Variants in NARS2 observed in about 807,000 individuals in gnomAD.
NARS2 encodes asparaginyl-tRNA synthetase.
Under a neutral mutation model 62.9 loss-of-function variants are expected in NARS2, and 60 were observed. That is an observed-to-expected ratio of 0.95 (90% confidence interval 0.77 to 1.18). The LOEUF is 1.18. Among genes scored for constraint, NARS2 ranks in the 50% most tolerant of loss-of-function variants. The pLI, the probability that NARS2 is intolerant of heterozygous loss-of-function variation, is 0.00. For missense variants in NARS2, 619 were observed against 576.4 expected, an observed-to-expected ratio of 1.07 and a Z score of -0.76; for synonymous variants, 196 against 200.0, an observed-to-expected ratio of 0.98 and a Z score of 0.17.
intron 5 of NARS2, among the ~76,000 whole-genome samples, chr11:78,543,659 C>A (rs983768855): frequency 2.0e-5 from 3 of 152,130 alleles, no homozygotes; most frequent in Admixed American, 6.5e-5. Flanking sequence ...GGAAAATACA[C>A]AGCAGGAATA....
At chr11:78,563,754 C>T (rs1357959123) in intron 4 of NARS2, among the ~76,000 whole-genome samples, 5 of 139,406 alleles carry the variant, frequency 3.6e-5, no homozygotes, top group African/African-American at 1.4e-4. Flanking sequence ...TCCCTTGAAC[C>T]CAGGAGGCGG....
Position 78,510,513 on chromosome 11 carries a change from T to C in NARS2, c.690-17318A>G, listed in dbSNP as rs118117714. Among the ~76,000 whole-genome samples the C allele has an allele frequency of 7.8e-3, 1,191 of 152,238 alleles. 5 individuals carry two copies. Among genetic ancestry groups the C allele is most frequent in the Non-Finnish European group, 0.012 (790 of 68,010 alleles). ...TTGAAGGGAAAAAACAGTTTTACAA[T>C]ACTATTGGAAACCTCTCAATAATGT... is the stretch of plus-strand genomic sequence containing the variant. On this transcript the variant is annotated intron_variant, in intron 6 of 13. Transcript: ENST00000281038.
chr11:78,564,876 A>G (rs1421934791), intron 4 of NARS2, among the ~76,000 whole-genome samples: 1 of 152,220 alleles, frequency 6.6e-6, no homozygotes, highest in African/African-American at 2.4e-5. Flanking sequence ...TAGCTCTTTG[A>G]CCAAAAGTGA....
At chr11:78,535,022 A>C (rs1240247142) in intron 5 of NARS2, among the ~76,000 whole-genome samples, 1 of 152,234 alleles carries the variant, frequency 6.6e-6, no homozygotes, top group Non-Finnish European at 1.5e-5. Context: ...GTGGGATATA[A>C]CTGAAAGCCT....
intron 11 of NARS2, among the ~76,000 whole-genome samples, chr11:78,450,373 C>T (rs1421696982): frequency 1.3e-5 from 2 of 152,196 alleles, no homozygotes; most frequent in Admixed American, 1.3e-4. Context: ...TACAGTCCCA[C>T]ACCACTACTA....
chr11:78,499,116 C>T (rs191814452), intron 6 of NARS2, among the ~76,000 whole-genome samples: 2,165 of 151,818 alleles, frequency 0.014, 49 homozygotes, highest in African/African-American at 0.049. Context: ...CGGGGTTTCA[C>T]GGTGTTAGCC....
At chr11:78,494,518 G>A (rs1667339505) in intron 6 of NARS2, among the ~76,000 whole-genome samples, 2 of 134,800 alleles carry the variant, frequency 1.5e-5, no homozygotes, top group South Asian at 2.4e-4. Context: ...GAAACATAAA[G>A]TAACTATGGT....
intron 11 of NARS2, among the ~76,000 whole-genome samples, chr11:78,455,523 G>C (rs1379881116): frequency 6.6e-6 from 1 of 151,978 alleles, no homozygotes; most frequent in African/African-American, 2.4e-5. Flanking sequence ...GTCCTCCTAA[G>C]GTCTTCTTTT....
intron 6 of NARS2, among the ~76,000 whole-genome samples, chr11:78,519,827 A>T (rs1336615125): frequency 6.6e-6 from 1 of 151,844 alleles, no homozygotes. Flanking sequence ...CAGCTTCCCG[A>T]GTAGCTGGGA....
chr11:78,514,971 T>TA (rs1198307753), intron 6 of NARS2, among the ~76,000 whole-genome samples: 1 of 151,868 alleles, frequency 6.6e-6, no homozygotes, highest in Non-Finnish European at 1.5e-5. Flanking sequence ...AAAATAATAA[T>TA]AAAAAAACTA....
chr11:78,472,293 CTG>C (rs1858909999), intron 9 of NARS2, among the ~76,000 whole-genome samples: 1 of 152,142 alleles, frequency 6.6e-6, no homozygotes. Flanking sequence ...GGAAAAAACA[CTG>C]TGGTAGAGAA....
intron 2 of NARS2, among the ~76,000 whole-genome samples, chr11:78,569,741 T>C (rs1365705167): frequency 6.6e-6 from 1 of 152,172 alleles, no homozygotes; most frequent in Non-Finnish European, 1.5e-5. Context: ...ATGTACTACC[T>C]GACATATATG....
At chr11:78,464,443 T>C (rs1332642541) in intron 11 of NARS2, among the ~76,000 whole-genome samples, 1 of 151,976 alleles carries the variant, frequency 6.6e-6, no homozygotes, top group Non-Finnish European at 1.5e-5. Flanking sequence ...TAGAGCAGAG[T>C]GGTCTGTTTT....
At chr11:78,498,515 C>T (rs1860149977) in intron 6 of NARS2, among the ~76,000 whole-genome samples, 1 of 152,056 alleles carries the variant, frequency 6.6e-6, no homozygotes, top group Non-Finnish European at 1.5e-5. Context: ...AAATTTATAC[C>T]TTCTAACCAG....
intron 13 of NARS2, among the ~76,000 whole-genome samples, chr11:78,440,527 C>G (rs1445167140): frequency 6.6e-6 from 1 of 151,184 alleles, no homozygotes; most frequent in Non-Finnish European, 1.5e-5. Context: ...GATTACATGA[C>G]ATAATATAAT....
chr11:78,436,450 G>T lies in NARS2; in HGVS notation c.*220C>A. ...AGGTAATGGATTTGAGAGTCCCCTT[G>T]CTATAAGTACCTCTTCTTGCGGGAG... On this transcript the variant is annotated 3_prime_UTR_variant, in exon 14 of 14. Transcript: ENST00000281038. The T allele has an allele frequency of 2.0e-6, 1 of 493,926 alleles. No homozygotes were observed. The highest frequency in any genetic ancestry group is 3.6e-6 in the Non-Finnish European group (1 of 277,526). The allele number at this position is 493,926 out of a possible 1,614,324, so 30.6% of individuals were successfully genotyped here. A position where few individuals can be genotyped will look rare whatever the true frequency, so the allele number is the denominator to read the frequency against.
chr11:78,446,329 C>T (rs1857758336), intron 11 of NARS2, among the ~76,000 whole-genome samples: 1 of 152,218 alleles, frequency 6.6e-6, no homozygotes, highest in Non-Finnish European at 1.5e-5. Context: ...CTCTGACCCT[C>T]ATCACTAGGC....
At chr11:78,452,528 C>A (rs370707223) in intron 11 of NARS2, among the ~76,000 whole-genome samples, 14 of 152,224 alleles carry the variant, frequency 9.2e-5, no homozygotes, top group African/African-American at 3.4e-4. Flanking sequence ...CTAACTCAGC[C>A]TCTCTGAGTA....
chr11:78,551,838 C>T (rs1049219562), intron 5 of NARS2, among the ~76,000 whole-genome samples: 6 of 151,416 alleles, frequency 4.0e-5, no homozygotes, highest in East Asian at 3.9e-4. Context: ...GGAACAAGAG[C>T]GAGACTTTGT....
Sources: allele counts gnomAD v4.1 joint callset (sites outside exome capture counted in the v4.1 genomes callset), GRCh38; gene constraint gnomAD v4.1.1; transcripts MANE v1.5; gene names NCBI Gene and HGNC (gene_info 2026-07-23, HGNC 2026-07-21).